Variants in DPEP2 observed in about 807,000 individuals in gnomAD.
DPEP2 encodes the protein dipeptidase 2.
Under a neutral mutation model 51.8 loss-of-function variants are expected in DPEP2, and 45 were observed. That is an observed-to-expected ratio of 0.87 (90% CI 0.68 to 1.11). The LOEUF (loss-of-function observed/expected upper bound fraction) is 1.11, where lower values mean the gene tolerates loss of function less well. Ranked by LOEUF, DPEP2 falls within the 50% of genes most tolerant of loss-of-function variation. DPEP2 has a pLI of 0.00. For missense variants in DPEP2, 604 were observed against 631.9 expected (o/e 0.96, Z 0.47); for synonymous variants, 255 against 262.7 (o/e 0.97, Z 0.28).
intron 7 of DPEP2, 29 bp from the exon 8 acceptor site, chr16:67,990,160 C>T: frequency 1.2e-6 from 2 of 1,610,926 alleles, no homozygotes; most frequent in African/African-American, 1.3e-5. Context: ...GGACACTTAG[C>T]CTGGCCCCTC....
chr16:67,999,502 G>T, upstream of DPEP2: 1 of 986,978 alleles, frequency 1.0e-6, no homozygotes, highest in South Asian at 4.7e-5. Context: ...CCCCTGCAAG[G>T]GGGAGGGCAC....
At chr16:67,989,264 C>T in intron 9 of DPEP2, 59 bp downstream of exon 9, 2 of 1,585,230 alleles carry the variant, frequency 1.3e-6, no homozygotes, top group Non-Finnish European at 1.7e-6. Context: ...GCTATGGTGA[C>T]CGTGAAGGCC....
chr16:67,988,602 C>CA (rs56905546), intron 9 of DPEP2, among the ~76,000 whole-genome samples: 2,043 of 99,010 alleles, frequency 0.021, 27 homozygotes, highest in Middle Eastern at 0.06. Context: ...GCCTCTGTCT[C>CA]AAAAAAAAAA....
At chr16:67,998,075 G>A (rs969112519) in intron 1 of DPEP2, among the ~76,000 whole-genome samples, 3 of 152,022 alleles carry the variant, frequency 2.0e-5, no homozygotes, top group Non-Finnish European at 2.9e-5. Context: ...GCCCTCGCTC[G>A]CTCTCGGGGC....
chr16:67,991,746 C>T lies in DPEP2; in HGVS notation c.662+92G>A, dbSNP rs2032181054. 1 of 1,537,036 alleles carries T rather than the reference C, an allele frequency of 6.5e-7. No homozygotes were observed. The highest frequency in any genetic ancestry group is 1.4e-5 in the African/African-American group (1 of 73,576). On this transcript the variant is annotated intron_variant, in intron 5 of 10. Transcript: ENST00000393847. This position sits in a 1 kb window ranked among gnomAD's most constrained non-coding sequence, Gnocchi z 5.1. ...CCCCACTCCAGAGTCAGTGCCACAT[C>T]CCATGGGTAAAGCTTGTTCTGGGCC...
In DPEP2 at chr16:67,991,074, T is replaced by G. The variant is rs1261302541; in HGVS notation, c.732+41A>C. The G allele has an allele frequency of 6.8e-6, 11 of 1,614,150 alleles. No individual in the cohort carries two copies. The highest frequency in any genetic ancestry group is 9.3e-6 in the Non-Finnish European group (11 of 1,179,964). Reference sequence around the variant, plus strand: ...TTATTTGTAAGAAACAGCTGGGGTGTGCACATTTGTTTGGGGTGGAGTGTG... The same window carrying G: ...TTATTTGTAAGAAACAGCTGGGGTGGGCACATTTGTTTGGGGTGGAGTGTG... On this transcript the variant is annotated intron_variant, in intron 6 of 10. Coordinates refer to ENST00000393847, the MANE Select transcript of DPEP2 (RefSeq NM_022355.4). This position sits in a 1 kb window ranked among gnomAD's most constrained non-coding sequence, Gnocchi z 5.1.
chr16:67,990,384 TG>T (rs1410267650), intron 7 of DPEP2, among the ~76,000 whole-genome samples: 2 of 152,108 alleles, frequency 1.3e-5, no homozygotes, highest in African/African-American at 4.8e-5. Flanking sequence ...ATGTGGACTG[TG>T]GGGTTGTGGG....
intron 7 of DPEP2, 94 bp from the exon 8 acceptor site, chr16:67,990,225 C>T: frequency 8.1e-7 from 1 of 1,230,058 alleles, no homozygotes; most frequent in Non-Finnish European, 1.2e-6. Context: ...GGGTGTTCAG[C>T]TCTGACTTCA....
At chr16:67,992,474 A>C in intron 3 of DPEP2, 36 bp downstream of exon 3, 1 of 1,586,254 alleles carries the variant, frequency 6.3e-7, no homozygotes, top group Non-Finnish European at 8.6e-7. Flanking sequence ...ATCCCCCAGC[A>C]GCCATGCTGT....
rs770578747 is a variant in DPEP2, at chr16:67,987,713, C to T, written c.1254G>A (p.Pro418=). ...GGCAGGAACTGCTCAGCTGCTCATC[C>T]GGGAACTTGTCCTCCAAGGGGCTTT... is the stretch of plus-strand genomic sequence containing the variant. ...KWQSPLEDKF[P]DEQLSSSCHS... The change falls in exon 11 of 11, where the codon CCG becomes CCA. Residue 418 remains proline (P), a synonymous_variant. Coordinates refer to ENST00000393847, the MANE Select transcript of DPEP2 (RefSeq NM_022355.4). 18 of 1,614,016 alleles carry T rather than the reference C, an allele frequency of 1.1e-5. No individual in the cohort carries two copies. The East Asian group carries it at 1.6e-4, about 14-fold the overall frequency.
chr16:67,998,215 G>A (rs1295560904), intron 1 of DPEP2, among the ~76,000 whole-genome samples: 1 of 152,202 alleles, frequency 6.6e-6, no homozygotes, highest in Non-Finnish European at 1.5e-5. Context: ...AGGTGTGGAG[G>A]GAGAGGCGCG....
chr16:67,989,355 G>A lies in DPEP2; in HGVS notation c.1038C>T (p.Ile346=), dbSNP rs777330949. 9 of 1,614,048 alleles carry A rather than the reference G, an allele frequency of 5.6e-6. No individual in the cohort carries two copies. Among genetic ancestry groups the A allele is most frequent in the East Asian group, 4.5e-5 (2 of 44,894 alleles). The change falls in exon 9 of 11, where the codon ATC becomes ATT. Residue 346 remains isoleucine (I), a synonymous_variant. Coordinates refer to ENST00000393847, the MANE Select transcript of DPEP2 (RefSeq NM_022355.4). ...HIKAVIGSKF[I]GIGGDYDGAG... is the part of the protein sequence containing the mutation. Reference sequence around the variant, plus strand: ...CCCCATCATAATCTCCACCAATCCCGATGAACTTGGATCCAATGACAGCCT... The same window carrying A: ...CCCCATCATAATCTCCACCAATCCCAATGAACTTGGATCCAATGACAGCCT...
chr16:67,998,593 G>T (rs1275652983), intron 1 of DPEP2, among the ~76,000 whole-genome samples: 1 of 152,242 alleles, frequency 6.6e-6, no homozygotes, highest in East Asian at 1.9e-4. Flanking sequence ...CAGGGCTGAG[G>T]AGTGCGGGCG....
At chr16:67,993,493 G>C (rs1358406173) in intron 1 of DPEP2, 2 of 1,213,674 alleles carry the variant, frequency 1.6e-6, no homozygotes, top group Non-Finnish European at 2.1e-6. Flanking sequence ...GCCCACTCGC[G>C]GCCTGTCTTA....
In DPEP2 at chr16:67,989,961, G is replaced by C. The variant is rs1255997085; in HGVS notation, c.994+86C>G. 3 of 1,425,112 alleles carry C rather than the reference G, an allele frequency of 2.1e-6. No individual in the cohort carries two copies. In the South Asian group the frequency reaches 3.7e-5, roughly 18 times the overall value. 88.3% of individuals were successfully genotyped at this position (1,425,112 alleles called of 1,614,324 possible). A position where few individuals can be genotyped will look rare whatever the true frequency, so the allele number is the denominator to read the frequency against. On this transcript the variant is annotated intron_variant, in intron 8 of 10. Coordinates refer to ENST00000393847, the MANE Select transcript of DPEP2 (RefSeq NM_022355.4). ...ACTGTCCATCACTGCATTTTTTTCA[G>C]TGAAACCACTGGGACAGTCCTGGGG...
intron 1 of DPEP2, among the ~76,000 whole-genome samples, chr16:67,998,165 G>A (rs944256048): frequency 1.3e-5 from 2 of 152,184 alleles, no homozygotes; most frequent in African/African-American, 2.4e-5. Flanking sequence ...CCCCTTTCTG[G>A]GCTGGCCAAG....
At chr16:67,993,321 T>G in intron 1 of DPEP2, 64 bp from the exon 2 acceptor site, 1 of 1,326,274 alleles carries the variant, frequency 7.5e-7, no homozygotes, top group Non-Finnish European at 9.6e-7. Flanking sequence ...TCAGGCCACC[T>G]GGCGGCGTGG....
chr16:67,987,898 C>T lies in DPEP2; in HGVS notation c.1160G>A (p.Gly387Asp), dbSNP rs1440605472. 6.2e-7 allele frequency: 1 copy of T among 1,614,208 alleles called. No homozygotes were observed. The highest frequency in any genetic ancestry group is 1.7e-5 in the Admixed American group (1 of 60,024). ...SRGWSEEELQ[G>D]VLRGNLLRVF... is the part of the protein sequence containing the mutation. ...CCGCAGCAGGTTTCCACGAAGGACA[C>T]CCTGAAGCTCTTCCTCACTCCAGCC... is the stretch of plus-strand genomic sequence containing the variant. Residue 387 changes from glycine (G) to aspartate (D), a missense_variant, in exon 10 of 11, where the codon GGT becomes GAT. Transcript: ENST00000393847.
At position 67,993,307 on chromosome 16, in the gene DPEP2, C is replaced by G. The variant is rs914443330; in HGVS notation, c.-45-50G>C. 5 of 1,333,536 alleles carry G rather than the reference C, an allele frequency of 3.7e-6. No individual in the cohort carries two copies. In the African/African-American group the frequency reaches 7.6e-5, roughly 20 times the overall value. 82.6% of individuals were successfully genotyped at this position (1,333,536 alleles called of 1,614,324 possible). A position where few individuals can be genotyped will look rare whatever the true frequency, so the allele number is the denominator to read the frequency against. Reference sequence around the variant, plus strand: ...AGCGCGACGATGGAGTCCCGACCCTCGATTCAGGCCACCTGGCGGCGTGGC... The same window carrying G: ...AGCGCGACGATGGAGTCCCGACCCTGGATTCAGGCCACCTGGCGGCGTGGC... On this transcript the variant is annotated intron_variant, in intron 1 of 10. Transcript: ENST00000393847.
Sources: gnomAD v4.1 joint callset for allele counts (sites outside exome capture counted in the v4.1 genomes callset) on GRCh38, gnomAD v4.1.1 for gene constraint, Gnocchi (gnomAD v3.1) non-coding constraint, MANE v1.5 for transcripts, NCBI Gene and HGNC (gene_info 2026-07-23, HGNC 2026-07-21) for gene names.